Variants in EIF4A2 observed in about 807,000 individuals in gnomAD.
EIF4A2 encodes the protein eukaryotic initiation factor 4A-II.
Under a neutral mutation model 50.6 loss-of-function variants are expected in EIF4A2, and 9 were observed. The ratio of observed to expected loss-of-function variants is 0.18; its 90% CI spans 0.11 to 0.31. The LOEUF is 0.31. EIF4A2 is among the 10% of genes least tolerant of loss of function. EIF4A2 has a pLI of 1.00. For missense variants in EIF4A2, 182 were observed against 501.8 expected (o/e 0.36, Z 6.09); for synonymous variants, 215 against 164.4 (o/e 1.31, Z -2.35).
chr3:186,785,317 C>T (rs1365882422), intron 4 of EIF4A2: 8 of 633,772 alleles, frequency 1.3e-5, no homozygotes, highest in African/African-American at 5.5e-5. Context: ...GAATCCGAAG[C>T]GCTCTCTTGG....
At chr3:186,783,716 A>C in intron 1 of EIF4A2, 77 bp downstream of exon 1, 1 of 1,607,898 alleles carries the variant, frequency 6.2e-7, no homozygotes, top group Non-Finnish European at 8.5e-7. Context: ...GATGGCACGG[A>C]GGCAAAAACT....
rs1288288939 is a variant in EIF4A2 at position 186,789,508 on chromosome 3, ATCTT to A, written c.*248_*251del. On this transcript the variant is annotated 3_prime_UTR_variant, in exon 11 of 11. Transcript: ENST00000323963. ...GGGTATAAAAGATGGGGTCTGTAAA[ATCTT>A]TCTTTCTTAGAAATTTATTTCCTAG... The A allele has an allele frequency of 4.1e-5, 17 of 412,738 alleles. No individual in the cohort carries two copies. Among genetic ancestry groups the A allele is most frequent in the Admixed American group, 8.4e-5 (2 of 23,752 alleles). 25.6% of individuals were successfully genotyped at this position (412,738 alleles called of 1,614,324 possible).
At chr3:186,788,983 A>G (rs1394594840) in intron 10 of EIF4A2, 142 bp from the exon 11 acceptor site, 3 of 1,227,536 alleles carry the variant, frequency 2.4e-6, no homozygotes, top group Non-Finnish European at 3.3e-6. Context: ...CTAGATATGC[A>G]TTAGCAGCTA....
chr3:186,787,470 T>TAAAA, intron 8 of EIF4A2, 25 bp from the exon 9 acceptor site: 16 of 1,611,590 alleles, frequency 9.9e-6, no homozygotes, highest in Non-Finnish European at 1.1e-5. Flanking sequence ...TGGTGATTCT[T>TAAAA]GAATTAAGGT....
chr3:186,783,895 C>T (rs895662992), intron 1 of EIF4A2: 7 of 563,148 alleles, frequency 1.2e-5, no homozygotes, highest in Non-Finnish European at 1.9e-5. Context: ...CTTTCCTTCC[C>T]AGTGTAGAGC....
At chr3:186,785,200 C>A in intron 4 of EIF4A2, 99 bp downstream of exon 4, 1 of 1,517,474 alleles carries the variant, frequency 6.6e-7, no homozygotes, top group African/African-American at 1.4e-5. Context: ...TTGGTCCTAC[C>A]AGATCCCTCC....
intron 4 of EIF4A2, 154 bp from the exon 5 acceptor site, chr3:186,785,729 C>G: frequency 2.2e-6 from 2 of 924,056 alleles, no homozygotes; most frequent in Non-Finnish European, 3.1e-6. Context: ...TACCTTGCAG[C>G]AGTTAGGTCG....
rs1267864767 is a variant in EIF4A2, at chr3:186,787,597, A to G, written c.999+13A>G. The G allele has an allele frequency of 1.9e-6, 3 of 1,613,882 alleles. No homozygotes were observed. The highest frequency in any genetic ancestry group is 2.5e-6 in the Non-Finnish European group (3 of 1,179,898). ...TACTGACTTGTTGGTAAGTCTCTTAATGCTTTTTAAAAATCTACCAAAAGT... is the reference window on the plus strand; with the variant it reads ...TACTGACTTGTTGGTAAGTCTCTTAGTGCTTTTTAAAAATCTACCAAAAGT... On this transcript the variant is annotated intron_variant, in intron 9 of 10. Transcript: ENST00000323963.
At position 186,789,665 on chromosome 3, in the gene EIF4A2, TCATTAGC is replaced by T; in HGVS notation, c.*398_*404del. Reference sequence around the variant, plus strand: ...AGCATATCTGCCTTTATTGTGTTTGTCATTAGCCTGAGTAGAAAGGCCTTTAAAATTT... The same window carrying T: ...AGCATATCTGCCTTTATTGTGTTTGTCTGAGTAGAAAGGCCTTTAAAATTT... On this transcript the variant is annotated 3_prime_UTR_variant, in exon 11 of 11. Coordinates refer to ENST00000323963, the MANE Select transcript of EIF4A2 (RefSeq NM_001967.4). 2 of 360,990 alleles carry T rather than the reference TCATTAGC, an allele frequency of 5.5e-6. No homozygotes were observed. Among genetic ancestry groups the T allele is most frequent in the East Asian group, 9.0e-5 (2 of 22,138 alleles). 22.4% of individuals were successfully genotyped at this position (360,990 alleles called of 1,614,324 possible).
At chr3:186,787,102 T>C (rs1721776252) in intron 7 of EIF4A2, 25 bp from the exon 8 acceptor site, 1 of 1,611,796 alleles carries the variant, frequency 6.2e-7, no homozygotes, top group Non-Finnish European at 8.5e-7. Flanking sequence ...AAATGACTGT[T>C]AACTTTAACT....
At position 186,787,564 on chromosome 3, in the gene EIF4A2, C is replaced by T. The variant is rs1401673606; in HGVS notation, c.979C>T (p.Leu327=). Residue 327 remains leucine, a synonymous_variant, in exon 9 of 11, where the codon CTG becomes TTG. Coordinates refer to ENST00000323963, the MANE Select transcript of EIF4A2 (RefSeq NM_001967.4). The part of the protein sequence containing the change: ...REFRSGSSRV[L]ITTDLLARGI... Reference sequence around the variant, plus strand: ...ATTCCGGTCAGGGTCAAGTCGTGTTCTGATCACTACTGACTTGTTGGTAAG... The same window carrying T: ...ATTCCGGTCAGGGTCAAGTCGTGTTTTGATCACTACTGACTTGTTGGTAAG... 5 of 1,614,020 alleles carry T rather than the reference C, an allele frequency of 3.1e-6. No individual in the cohort carries two copies. Among genetic ancestry groups the T allele is most frequent in the Non-Finnish European group, 3.4e-6 (4 of 1,179,932 alleles).
In EIF4A2 at chr3:186,785,871, C is replaced by CTT. The variant is rs1460849090; in HGVS notation, c.349-11_349-10dup. On this transcript the variant is annotated splice_polypyrimidine_tract_variant and intron_variant, in intron 4 of 10. Transcript: ENST00000323963. ...GAGTTCTGCGGAATAATAATTAAGG[C>CTT]TTGGGTTTTAGATCCAAAAGGTAAT... The CTT allele has an allele frequency of 6.3e-7, 1 of 1,583,920 alleles. No individual in the cohort carries two copies. Among genetic ancestry groups the CTT allele is most frequent in the Non-Finnish European group, 8.6e-7 (1 of 1,157,418 alleles).
chr3:186,786,986 T>C (rs1721766732), intron 7 of EIF4A2, 141 bp from the exon 8 acceptor site: 1 of 1,278,558 alleles, frequency 7.8e-7, no homozygotes, highest in Admixed American at 2.0e-5. Context: ...CCTGGTCTGG[T>C]TGGAACTCTG....
Position 186,786,063 on chromosome 3 carries a change from C to T in EIF4A2, c.517+12C>T, listed in dbSNP as rs945050461. ...CAGAAGATACCTTTGTAAGTATTGT[C>T]TTTAAGAGAGTATTTTTTTTAAAAC... On this transcript the variant is annotated intron_variant, in intron 5 of 10. Transcript: ENST00000323963. 1 of 1,601,512 alleles carries T rather than the reference C, an allele frequency of 6.2e-7. No individual in the cohort carries two copies. Among genetic ancestry groups the T allele is most frequent in the Non-Finnish European group, 8.5e-7 (1 of 1,169,624 alleles).
intron 10 of EIF4A2, chr3:186,788,767 C>T (rs1305567125): frequency 4.2e-6 from 1 of 238,276 alleles, no homozygotes. Context: ...CATAACTGCT[C>T]TTTTATTCCT....
At position 186,786,144 on chromosome 3, in the gene EIF4A2, T is replaced by G; in HGVS notation, c.518-20T>G. On this transcript the variant is annotated intron_variant, in intron 5 of 10. Transcript: ENST00000323963. The stretch of plus-strand genomic sequence containing the variant: ...CACTGAGTAGATCTAGAAATGACAG[T>G]ATGACTTTGTTTCTAACAGCTCCAA... 1 of 1,611,454 alleles carries G rather than the reference T, an allele frequency of 6.2e-7. No individual in the cohort carries two copies. The highest frequency in any genetic ancestry group is 8.5e-7 in the Non-Finnish European group (1 of 1,177,938).
Position 186,789,419 on chromosome 3 carries a change from TAGTCGTG to T in EIF4A2, c.*153_*159del. ...ACAGATTTTGATAGCAAAGCGACGT[TAGTCGTG>T]AGCTCTTGTGAGGAAAGTCATTGGC... On this transcript the variant is annotated 3_prime_UTR_variant, in exon 11 of 11. Coordinates refer to ENST00000323963, the MANE Select transcript of EIF4A2 (RefSeq NM_001967.4). The T allele has an allele frequency of 8.7e-7, 1 of 1,146,358 alleles. No individual in the cohort carries two copies. 71.0% of individuals were successfully genotyped at this position (1,146,358 alleles called of 1,614,324 possible). A position where few individuals can be genotyped will look rare whatever the true frequency, so the allele number is the denominator to read the frequency against.
intron 10 of EIF4A2, 123 bp downstream of exon 10, chr3:186,788,005 G>A: frequency 9.4e-7 from 1 of 1,063,888 alleles, no homozygotes; most frequent in Non-Finnish European, 1.4e-6. Flanking sequence ...TCAGTAAGAT[G>A]ATGTAATTAA....
rs187041507 is a variant in EIF4A2, at chr3:186,784,569, C to A, written c.81C>A (p.Asn27Lys). 1.2e-6 allele frequency: 2 copies of A among 1,614,112 alleles called. No homozygotes were observed. The highest frequency in any genetic ancestry group is 2.7e-5 in the African/African-American group (2 of 75,050). ...TTATTTTTTCTAACTTACAGAGCAA[C>A]TGGAATGAGATTGTTGATAACTTTG... ...GMDPDGVIES[N>K]WNEIVDNFDD... The change falls in exon 3 of 11, where the codon AAC (asparagine) becomes AAA (lysine). Residue 27 changes from asparagine to lysine, a missense_variant. Asn to Lys is a moderately conservative substitution (Grantham distance 94). Around this residue, in one of 7 missense-constraint regions of EIF4A2, gnomAD observed 113 missense variants for 357.3 expected, o/e 0.32. Transcript: ENST00000323963.
Sources: allele counts gnomAD v4.1 joint callset, GRCh38; gene constraint gnomAD v4.1.1; regional missense constraint gnomAD v4.1.1; transcripts MANE v1.5; gene names NCBI Gene and HGNC (gene_info 2026-07-23, HGNC 2026-07-21).